LMX1A: variants seen among roughly 807,000 people sequenced by gnomAD.
LMX1A encodes LIM homeobox transcription factor 1-alpha.
In LMX1A, 15 loss-of-function variants were observed where a neutral mutation model predicts 49.1. The observed-to-expected ratio is 0.31, with a 90% confidence interval of 0.20 to 0.47. LMX1A has a LOEUF of 0.47. LMX1A is among the 20% of genes least tolerant of loss of function. The probability of loss-of-function intolerance (pLI) is 1.00; values close to 1 mark genes in which losing one functional copy is unlikely to be tolerated. For missense variants in LMX1A, 372 were observed against 475.8 expected (o/e 0.78, Z 2.03); for synonymous variants, 167 against 185.7 (o/e 0.90, Z 0.82).
chr1:165,309,099 G>A (rs954895628), intron 3 of LMX1A, among the ~76,000 whole-genome samples: 1 of 151,950 alleles, frequency 6.6e-6, no homozygotes, highest in Admixed American at 6.5e-5. Flanking sequence ...TTGGAGGGGA[G>A]CCCCCTCCCC....
At chr1:165,227,713 T>C (rs77871166) in intron 4 of LMX1A, among the ~76,000 whole-genome samples, 34 of 152,282 alleles carry the variant, frequency 2.2e-4, no homozygotes, top group African/African-American at 7.9e-4. Context: ...CTGAGCACCA[T>C]AGTATCCATT....
At chr1:165,257,704 A>G (rs747543528) in intron 3 of LMX1A, among the ~76,000 whole-genome samples, 1 of 152,186 alleles carries the variant, frequency 6.6e-6, no homozygotes, top group Non-Finnish European at 1.5e-5. Context: ...AATGTAGCCA[A>G]TGGGGACAGG....
chr1:165,258,270 T>A (rs1039327726), intron 3 of LMX1A, among the ~76,000 whole-genome samples: 2 of 152,090 alleles, frequency 1.3e-5, no homozygotes, highest in Admixed American at 6.6e-5. Flanking sequence ...GAAGGAGAGA[T>A]GGTGAGAGAA....
chr1:165,276,336 A>AT (rs1316222508), intron 3 of LMX1A, among the ~76,000 whole-genome samples: 2 of 152,296 alleles, frequency 1.3e-5, no homozygotes, highest in Non-Finnish European at 1.5e-5. Context: ...ACCCCTGAGG[A>AT]TGAAGAGTTC....
intron 3 of LMX1A, among the ~76,000 whole-genome samples, chr1:165,298,452 T>C (rs985911980): frequency 1.3e-5 from 2 of 152,182 alleles, no homozygotes; most frequent in African/African-American, 2.4e-5. Flanking sequence ...GACATGCTGC[T>C]ATGGACACAC....
chr1:165,254,290 C>T (rs1411297132), intron 3 of LMX1A, among the ~76,000 whole-genome samples: 2 of 152,116 alleles, frequency 1.3e-5, no homozygotes, highest in Non-Finnish European at 2.9e-5. Flanking sequence ...GTGAGTTCAA[C>T]AAAGAAAGCC....
intron 3 of LMX1A, among the ~76,000 whole-genome samples, chr1:165,341,113 A>G (rs1656061706): frequency 6.6e-6 from 1 of 152,146 alleles, no homozygotes; most frequent in Admixed American, 6.6e-5. Context: ...ATGCTTAGAA[A>G]TCCCTGCTGG....
intron 3 of LMX1A, among the ~76,000 whole-genome samples, chr1:165,296,595 A>G (rs1442948400): frequency 6.6e-6 from 1 of 152,184 alleles, no homozygotes; most frequent in Non-Finnish European, 1.5e-5. Context: ...GCTCCCTCAG[A>G]CACTCTCTTC....
intron 3 of LMX1A, among the ~76,000 whole-genome samples, chr1:165,292,631 A>C (rs1485985324): frequency 6.6e-6 from 1 of 152,160 alleles, no homozygotes; most frequent in African/African-American, 2.4e-5. Context: ...AAATTATTTC[A>C]CTTTATTTCC....
chr1:165,265,895 T>C (rs534562926), intron 3 of LMX1A, among the ~76,000 whole-genome samples: 1 of 152,204 alleles, frequency 6.6e-6, no homozygotes, highest in South Asian at 2.1e-4. Flanking sequence ...AAATATGACT[T>C]TCATAGCACC....
intron 3 of LMX1A, among the ~76,000 whole-genome samples, chr1:165,341,314 CAT>C (rs1656069291): frequency 6.6e-6 from 1 of 152,142 alleles, no homozygotes; most frequent in African/African-American, 2.4e-5. Flanking sequence ...TCCATTTGCA[CAT>C]GTTTCTTCTT....
At position 165,334,467 on chromosome 1, in the gene LMX1A, C is replaced by G. The variant is rs185681770; in HGVS notation, c.263+18609G>C. On this transcript the variant is annotated intron_variant, in intron 3 of 8. Transcript: ENST00000342310. ...CCTTTGAGGTTGGTAATATATCATC[C>G]TAACTTTAAATGTGAAGGAACTGAG... Among the ~76,000 whole-genome samples the G allele has an allele frequency of 1.5e-3, 228 of 152,154 alleles. 7 individuals carry two copies. The highest frequency in any genetic ancestry group is 1.6e-4 in the Non-Finnish European group (11 of 68,004).
chr1:165,209,153 T>A (rs560714318), intron 6 of LMX1A, among the ~76,000 whole-genome samples: 1 of 152,354 alleles, frequency 6.6e-6, no homozygotes, highest in South Asian at 2.1e-4. Flanking sequence ...CTATAGGGCC[T>A]CTGCAACTTA....
At chr1:165,341,924 A>C (rs1656089824) in intron 3 of LMX1A, among the ~76,000 whole-genome samples, 1 of 152,254 alleles carries the variant, frequency 6.6e-6, no homozygotes, top group Non-Finnish European at 1.5e-5. Flanking sequence ...GTTTAACTCT[A>C]AATTAGAAAA....
intron 4 of LMX1A, among the ~76,000 whole-genome samples, chr1:165,223,327 A>G (rs926850965): frequency 2.0e-5 from 3 of 152,218 alleles, no homozygotes; most frequent in African/African-American, 7.2e-5. Context: ...AACTTACCAC[A>G]TATCCCCACT....
chr1:165,248,367 G>C (rs1652933882), intron 4 of LMX1A, among the ~76,000 whole-genome samples: 1 of 152,180 alleles, frequency 6.6e-6, no homozygotes, highest in Non-Finnish European at 1.5e-5. Flanking sequence ...CTTGGAAATG[G>C]ACTAGAATTG....
intron 3 of LMX1A, among the ~76,000 whole-genome samples, chr1:165,292,453 G>T (rs1654501951): frequency 6.6e-6 from 1 of 152,176 alleles, no homozygotes; most frequent in Non-Finnish European, 1.5e-5. Flanking sequence ...GGAAAGAAAA[G>T]ATATGAGAGA....
intron 3 of LMX1A, among the ~76,000 whole-genome samples, chr1:165,313,471 CT>C (rs34912339): frequency 0.16 from 18,969 of 115,134 alleles, 967 homozygotes; most frequent in Non-Finnish European, 0.2. Flanking sequence ...CACCTTCTTC[CT>C]TTTTTTTTTT....
chr1:165,335,810 C>A (rs73019134), intron 3 of LMX1A, among the ~76,000 whole-genome samples: 3,979 of 150,944 alleles, frequency 0.026, 175 homozygotes, highest in African/African-American at 0.092. Context: ...GATTTTTTTT[C>A]TTGAATCTGA....
Sources: gnomAD v4.1 joint callset for allele counts (sites outside exome capture counted in the v4.1 genomes callset) on GRCh38, gnomAD v4.1.1 for gene constraint, MANE v1.5 for transcripts, NCBI Gene and HGNC (gene_info 2026-07-23, HGNC 2026-07-21) for gene names.